The following PCDHB14 variants were observed in gnomAD, a reference collection of about 807,000 sequenced individuals.
PCDHB14 encodes the protein protocadherin beta 14.
For missense variants in PCDHB14, 1,129 were observed against 1,000.5 expected (o/e 1.13, Z -1.73); for synonymous variants, 511 against 441.5 (o/e 1.16, Z -1.97).
chr5:141,225,699 T>A lies in PCDHB14; in HGVS notation c.2194T>A (p.Phe732Ile). 1 of 1,614,186 alleles carries A rather than the reference T, an allele frequency of 6.2e-7. No individual in the cohort carries two copies. Among genetic ancestry groups the A allele is most frequent in the South Asian group, 1.1e-5 (1 of 91,076 alleles). Residue 732 changes from phenylalanine to isoleucine, a missense_variant, in exon 1 of 1, where the codon TTT (phenylalanine) becomes ATT (isoleucine). Phe to Ile is a conservative substitution (Grantham distance 21, BLOSUM62 0). Transcript: ENST00000239449. ...TCGCTGCTCGGTGCCCGAGGGTCCC[T>A]TTCCAGGGCATCTGGTGGACGTGAG... ...VGRCSVPEGP[F>I]PGHLVDVSGT... is the part of the protein sequence containing the mutation.
Position 141,223,485 on chromosome 5 carries a change from A to G in PCDHB14, c.-21A>G, listed in dbSNP as rs781892616. ...TACGGCTGAGCTTCAGTTTTTCCACAAGAGATTGCCTAAAGGAACCATGGA... is the reference window on the plus strand; with the variant it reads ...TACGGCTGAGCTTCAGTTTTTCCACGAGAGATTGCCTAAAGGAACCATGGA... On this transcript the variant is annotated 5_prime_UTR_variant, in exon 1 of 1. Coordinates refer to ENST00000239449, the MANE Select transcript of PCDHB14 (RefSeq NM_018934.4). The G allele has an allele frequency of 1.6e-5, 25 of 1,546,686 alleles. No homozygotes were observed. The highest frequency in any genetic ancestry group is 1.4e-4 in the Admixed American group (7 of 51,798).
rs782467184 is a variant in PCDHB14 at position 141,225,114 on chromosome 5, G to C, written c.1609G>C (p.Gly537Arg). 7 of 1,611,920 alleles carry C rather than the reference G, an allele frequency of 4.3e-6. No homozygotes were observed. The East Asian group carries it at 1.3e-4, about 31-fold the overall frequency. ...GTTTCGCGTGGGCGCCACAGACCGC[G>C]GGTCCCCGGCGTTGAGCAGCGAGGC... is the stretch of plus-strand genomic sequence containing the variant. ...FEFRVGATDRGSPALSSEALV... is the reference protein window; with the variant it reads ...FEFRVGATDRRSPALSSEALV... The change falls in exon 1 of 1, where the codon GGG (glycine) becomes CGG (arginine). Residue 537 changes from glycine to arginine, a missense_variant. Physicochemically the swap from Gly to Arg is moderately radical, Grantham distance 125 (BLOSUM62 -2). Coordinates refer to ENST00000239449, the MANE Select transcript of PCDHB14 (RefSeq NM_018934.4).
chr5:141,227,606 A>G lies in PCDHB14; in HGVS notation c.*1704A>G, dbSNP rs1247956037. On this transcript the variant is annotated 3_prime_UTR_variant, in exon 1 of 1. Coordinates refer to ENST00000239449, the MANE Select transcript of PCDHB14 (RefSeq NM_018934.4). ...GTAGTAAAATGGAATTTCACTTGCC[A>G]TTGTGAAATAGGTGAAACAAATTCC... 3.9e-5 allele frequency: 6 copies of G among 152,346 alleles called. No individual in the cohort carries two copies. Among genetic ancestry groups the G allele is most frequent in the Admixed American group, 1.3e-4 (2 of 15,300 alleles). 9.4% of individuals were successfully genotyped at this position (152,346 alleles called of 1,614,324 possible).
chr5:141,223,632 T>C lies in PCDHB14; in HGVS notation c.127T>C (p.Ser43Pro). ...YSVAEETEIG[S>P]FVANLARDLG... is the part of the protein sequence containing the mutation. The stretch of plus-strand genomic sequence containing the variant: ...TGTGGCAGAGGAAACAGAAATTGGC[T>C]CTTTTGTGGCTAATCTAGCGAGGGA... Residue 43 changes from serine to proline, a missense_variant, in exon 1 of 1, where the codon TCT becomes CCT. Physicochemically the swap from Ser to Pro is moderately conservative, Grantham distance 74. Coordinates refer to ENST00000239449, the MANE Select transcript of PCDHB14 (RefSeq NM_018934.4). 6.2e-7 allele frequency: 1 copy of C among 1,614,166 alleles called. No individual in the cohort carries two copies. Among genetic ancestry groups the C allele is most frequent in the Non-Finnish European group, 8.5e-7 (1 of 1,180,018 alleles).
chr5:141,225,647 C>T lies in PCDHB14; in HGVS notation c.2142C>T (p.Cys714=), dbSNP rs139768059. 9.2e-5 allele frequency: 148 copies of T among 1,613,512 alleles called. No homozygotes were observed. The highest frequency in any genetic ancestry group is 7.9e-4 in the African/African-American group (59 of 75,044). Reference sequence around the variant, plus strand: ...TCCTGTTCGTGGCGGTGCGGCTGTGCAGGAGGAGCAGGGCGGCCTCGGTGG... The same window carrying T: ...TCCTGTTCGTGGCGGTGCGGCTGTGTAGGAGGAGCAGGGCGGCCTCGGTGG... ...SVLLFVAVRL[C]RRSRAASVGR... is the part of the protein sequence containing the mutation. Residue 714 remains cysteine, a synonymous_variant, in exon 1 of 1, where the codon TGC becomes TGT. Coordinates refer to ENST00000239449, the MANE Select transcript of PCDHB14 (RefSeq NM_018934.4).
In PCDHB14 at chr5:141,223,880, C is replaced by G; in HGVS notation, c.375C>G (p.Asp125Glu). The G allele has an allele frequency of 6.2e-7, 1 of 1,613,118 alleles. No homozygotes were observed. The highest frequency in any genetic ancestry group is 8.5e-7 in the Non-Finnish European group (1 of 1,179,716). Reference protein sequence around the residue: ...QFFRFELCVKDINDHSPTFLD... With the variant: ...QFFRFELCVKEINDHSPTFLD... ...TTCGGTTTGAGCTGTGTGTCAAAGA[C>G]ATAAATGATCACTCCCCTACATTTC... Residue 125 changes from aspartate (D) to glutamate (E), a missense_variant, in exon 1 of 1, where the codon GAC becomes GAG. Asp to Glu is a conservative substitution (Grantham distance 45, BLOSUM62 2). Transcript: ENST00000239449.
In PCDHB14 at chr5:141,226,283, G is replaced by T. The variant is rs1754859786; in HGVS notation, c.*381G>T. 1 of 179,498 alleles carries T rather than the reference G, an allele frequency of 5.6e-6. No homozygotes were observed. The allele number at this position is 179,498 out of a possible 1,614,324, so 11.1% of individuals were successfully genotyped here. A position where few individuals can be genotyped will look rare whatever the true frequency, so the allele number is the denominator to read the frequency against. On this transcript the variant is annotated 3_prime_UTR_variant, in exon 1 of 1. Coordinates refer to ENST00000239449, the MANE Select transcript of PCDHB14 (RefSeq NM_018934.4). ...GCATAAAATAAAAATAAAAAGCGTT[G>T]CTGAATCTGGGTCGAAAATGTAGTG...
rs1273444492 is a variant in PCDHB14 at position 141,226,008 on chromosome 5, A to T, written c.*106A>T. ...TGGTTGTACTGTAGTTGCATGCATG[A>T]TTATAGCTCTTGTTTTTCTCACAGT... On this transcript the variant is annotated 3_prime_UTR_variant, in exon 1 of 1. Coordinates refer to ENST00000239449, the MANE Select transcript of PCDHB14 (RefSeq NM_018934.4). The T allele has an allele frequency of 2.1e-6, 2 of 966,866 alleles. No homozygotes were observed. Among genetic ancestry groups the T allele is most frequent in the Non-Finnish European group, 3.1e-6 (2 of 650,746 alleles). 59.9% of individuals were successfully genotyped at this position (966,866 alleles called of 1,614,324 possible). A position where few individuals can be genotyped will look rare whatever the true frequency, so the allele number is the denominator to read the frequency against.
chr5:141,224,691 A>G lies in PCDHB14; in HGVS notation c.1186A>G (p.Thr396Ala), dbSNP rs782481479. 7.4e-6 allele frequency: 12 copies of G among 1,613,964 alleles called. No homozygotes were observed. The South Asian group carries it at 9.9e-5, about 13-fold the overall frequency. ...QDNLPFFLKP[T>A]FKNFFTLVSE... ...TAACCTCCCTTTTTTCCTGAAACCG[A>G]CCTTCAAGAACTTTTTCACTCTAGT... The change falls in exon 1 of 1, where the codon ACC (threonine) becomes GCC (alanine). Residue 396 changes from threonine to alanine, a missense_variant. Coordinates refer to ENST00000239449, the MANE Select transcript of PCDHB14 (RefSeq NM_018934.4).
rs1754776906 is a variant in PCDHB14, at chr5:141,224,059, G to A, written c.554G>A (p.Ser185Asn). ...NSHFYIKIPD[S>N]SDRKIYPELV... is the part of the protein sequence containing the mutation. ...CACTTCTACATTAAAATTCCCGACA[G>A]TAGTGACAGAAAGATATACCCAGAG... is the stretch of plus-strand genomic sequence containing the variant. The change falls in exon 1 of 1, where the codon AGT becomes AAT. Residue 185 changes from serine to asparagine, a missense_variant. Coordinates refer to ENST00000239449, the MANE Select transcript of PCDHB14 (RefSeq NM_018934.4). 6.2e-7 allele frequency: 1 copy of A among 1,613,758 alleles called. No individual in the cohort carries two copies. The highest frequency in any genetic ancestry group is 1.1e-5 in the South Asian group (1 of 91,000).
Position 141,223,698 on chromosome 5 carries a change from C to T in PCDHB14, c.193C>T (p.Arg65Trp), listed in dbSNP as rs1554289025. The T allele has an allele frequency of 3.7e-6, 6 of 1,613,742 alleles. No individual in the cohort carries two copies. The highest frequency in any genetic ancestry group is 1.6e-4 in the Middle Eastern group (1 of 6,082). Reference protein sequence around the residue: ...GVEELSSREARVVSDDNKKYL... With the variant: ...GVEELSSREAWVVSDDNKKYL... The stretch of plus-strand genomic sequence containing the variant: ...GGAGGAGCTGTCTTCACGTGAAGCC[C>T]GGGTAGTGTCTGATGATAATAAAAA... Residue 65 changes from arginine to tryptophan, a missense_variant, in exon 1 of 1, where the codon CGG becomes TGG. Coordinates refer to ENST00000239449, the MANE Select transcript of PCDHB14 (RefSeq NM_018934.4).
In PCDHB14 at chr5:141,224,640, G is replaced by C; in HGVS notation, c.1135G>C (p.Gly379Arg). The change falls in exon 1 of 1, where the codon GGG becomes CGG. Residue 379 changes from glycine to arginine, a missense_variant. Transcript: ENST00000239449. ...CCTAGACCAAGACTCTGGAGACAAT[G>C]GGAGGATGATTTGCTCTATTCAAGA... Reference protein sequence around the residue: ...SILDQDSGDNGRMICSIQDNL... With the variant: ...SILDQDSGDNRRMICSIQDNL... 1 of 1,614,084 alleles carries C rather than the reference G, an allele frequency of 6.2e-7. No homozygotes were observed. Among genetic ancestry groups the C allele is most frequent in the Non-Finnish European group, 8.5e-7 (1 of 1,180,012 alleles).
chr5:141,224,425 T>C lies in PCDHB14; in HGVS notation c.920T>C (p.Leu307Pro). Residue 307 changes from leucine (L) to proline (P), a missense_variant, in exon 1 of 1, where the codon CTG becomes CCG. Physicochemically the swap from Leu to Pro is moderately conservative, Grantham distance 98. Transcript: ENST00000239449. Reference protein sequence around the residue: ...ISGEVNLRSPLDFEVIQSYTI... With the variant: ...ISGEVNLRSPPDFEVIQSYTI... ...GGGGAAGTTAATTTGAGATCACCCC[T>C]GGATTTTGAAGTAATACAGTCCTAC... 6.2e-7 allele frequency: 1 copy of C among 1,607,680 alleles called. No individual in the cohort carries two copies. Among genetic ancestry groups the C allele is most frequent in the Non-Finnish European group, 8.5e-7 (1 of 1,177,480 alleles).
chr5:141,224,410 A>C lies in PCDHB14; in HGVS notation c.905A>C (p.Asn302Thr). The C allele has an allele frequency of 6.2e-7, 1 of 1,606,930 alleles. No homozygotes were observed. The highest frequency in any genetic ancestry group is 1.1e-5 in the South Asian group (1 of 89,688). ...FEINPISGEV[N>T]LRSPLDFEVI... ...ATTAATCCAATATCTGGGGAAGTTA[A>C]TTTGAGATCACCCCTGGATTTTGAA... Residue 302 changes from asparagine (N) to threonine (T), a missense_variant, in exon 1 of 1, where the codon AAT (asparagine) becomes ACT (threonine). Coordinates refer to ENST00000239449, the MANE Select transcript of PCDHB14 (RefSeq NM_018934.4).
Position 141,224,972 on chromosome 5 carries a change from G to C in PCDHB14, c.1467G>C (p.Ser489=), listed in dbSNP as rs781826182. Residue 489 remains serine (S), a synonymous_variant, in exon 1 of 1, where the codon TCG becomes TCC. Transcript: ENST00000239449. ...GCACCAACGCCCAGGTCAACTACTC[G>C]CTGCTGCCGCCCCAGGACCGGCACC... ...DSGTNAQVNY[S]LLPPQDRHLP... 14 of 1,612,554 alleles carry C rather than the reference G, an allele frequency of 8.7e-6. No homozygotes were observed. The East Asian group carries it at 1.6e-4, about 18-fold the overall frequency.
chr5:141,224,060 T>C lies in PCDHB14; in HGVS notation c.555T>C (p.Ser185=), dbSNP rs373730860. ...NSHFYIKIPD[S]SDRKIYPELV... ...ACTTCTACATTAAAATTCCCGACAGTAGTGACAGAAAGATATACCCAGAGC... is the reference window on the plus strand; with the variant it reads ...ACTTCTACATTAAAATTCCCGACAGCAGTGACAGAAAGATATACCCAGAGC... The change falls in exon 1 of 1, where the codon AGT becomes AGC. Residue 185 remains serine (S), a synonymous_variant. Transcript: ENST00000239449. The C allele has an allele frequency of 3.7e-6, 6 of 1,613,756 alleles. No homozygotes were observed. The highest frequency in any genetic ancestry group is 2.2e-5 in the East Asian group (1 of 44,890).
Position 141,227,498 on chromosome 5 carries a change from A to C in PCDHB14, c.*1596A>C, listed in dbSNP as rs781803206. ...ATAGATAGAGATTTTGATAACTGGA[A>C]TGTAGTATGGATATAGGGCTGGTGT... On this transcript the variant is annotated 3_prime_UTR_variant, in exon 1 of 1. Transcript: ENST00000239449. 6.6e-6 allele frequency: 1 copy of C among 152,184 alleles called. No individual in the cohort carries two copies. Among genetic ancestry groups the C allele is most frequent in the Non-Finnish European group, 1.5e-5 (1 of 68,014 alleles). 9.4% of individuals were successfully genotyped at this position (152,184 alleles called of 1,614,324 possible). A position where few individuals can be genotyped will look rare whatever the true frequency, so the allele number is the denominator to read the frequency against.
At position 141,225,931 on chromosome 5, in the gene PCDHB14, G is replaced by T; in HGVS notation, c.*29G>T. The T allele has an allele frequency of 2.6e-6, 4 of 1,559,838 alleles. No homozygotes were observed. The highest frequency in any genetic ancestry group is 3.5e-6 in the Non-Finnish European group (4 of 1,149,286). On this transcript the variant is annotated 3_prime_UTR_variant, in exon 1 of 1. Coordinates refer to ENST00000239449, the MANE Select transcript of PCDHB14 (RefSeq NM_018934.4). Reference sequence around the variant, plus strand: ...AATTTATTTTAAATGTCTAATTTTTGGTTATTCTTGGCAAGCTGATGGTAC... The same window carrying T: ...AATTTATTTTAAATGTCTAATTTTTTGTTATTCTTGGCAAGCTGATGGTAC...
chr5:141,225,823 A>G lies in PCDHB14; in HGVS notation c.2318A>G (p.Asn773Ser), dbSNP rs782417261. ...EFKFLKPIIP[N>S]FQVHDTGRNM... ...AAATTTCTGAAGCCGATTATCCCCA[A>G]TTTTCAAGTTCATGACACTGGTAGG... The change falls in exon 1 of 1, where the codon AAT becomes AGT. Residue 773 changes from asparagine to serine, a missense_variant. Physicochemically the swap from Asn to Ser is conservative, Grantham distance 46. Transcript: ENST00000239449. 2.9e-5 allele frequency: 47 copies of G among 1,614,006 alleles called. No individual in the cohort carries two copies. The highest frequency in any genetic ancestry group is 1.1e-4 in the African/African-American group (8 of 74,910).
Sources: gnomAD v4.1 joint callset for allele counts on GRCh38, gnomAD v4.1.1 for gene constraint, MANE v1.5 for transcripts, NCBI Gene and HGNC (gene_info 2026-07-23, HGNC 2026-07-21) for gene names.